Variants in CEP72 observed in about 807,000 individuals in gnomAD.
CEP72 encodes the protein centrosomal protein of 72 kDa.
Under a neutral mutation model 65.7 loss-of-function variants are expected in CEP72, and 78 were observed. The observed-to-expected ratio is 1.19, with a 90% CI of 0.99 to 1.43. CEP72 has a LOEUF of 1.43. Among genes scored for constraint, CEP72 ranks in the 40% most tolerant of loss-of-function variants. The probability of loss-of-function intolerance (pLI) is 0.00; values close to 1 mark genes in which losing one functional copy is unlikely to be tolerated. For missense variants in CEP72, 914 were observed against 832.9 expected, an observed-to-expected ratio of 1.10 and a Z score of -1.20; for synonymous variants, 358 against 351.7, an observed-to-expected ratio of 1.02 and a Z score of -0.20.
At chr5:626,697 C>T (rs528823928) in intron 4 of CEP72, among the ~76,000 whole-genome samples, 6 of 152,022 alleles carry the variant, frequency 3.9e-5, no homozygotes, top group South Asian at 2.1e-4. Flanking sequence ...TATGGTGGTG[C>T]GTGCCTGTAG....
At chr5:649,103 T>C (rs1487533051) in intron 11 of CEP72, among the ~76,000 whole-genome samples, 39 of 107,626 alleles carry the variant, frequency 3.6e-4, no homozygotes, top group Middle Eastern at 0.021. Context: ...GACTGTGAGG[T>C]GTGGACTGTG....
In CEP72 at chr5:634,012, T is replaced by G. The variant is rs1737415717; in HGVS notation, c.691+65T>G. ...GCTCTGGGATATATATAGTCGTTACTGGGCTTGGAGTCCACAGTTGCTCTT... is the reference window on the plus strand; with the variant it reads ...GCTCTGGGATATATATAGTCGTTACGGGGCTTGGAGTCCACAGTTGCTCTT... On this transcript the variant is annotated intron_variant, in intron 5 of 11. Transcript: ENST00000264935. 37 of 1,497,216 alleles carry G rather than the reference T, an allele frequency of 2.5e-5. No homozygotes were observed. In the South Asian group the frequency reaches 4.1e-4, roughly 16 times the overall value. 92.7% of individuals were successfully genotyped at this position (1,497,216 alleles called of 1,614,324 possible).
chr5:649,090 T>G (rs1270670339), intron 11 of CEP72, among the ~76,000 whole-genome samples: 8 of 127,678 alleles, frequency 6.3e-5, no homozygotes, highest in Admixed American at 7.9e-5. Context: ...GACTGTGAGG[T>G]GTGACTGTGA....
chr5:623,727 A>G lies in CEP72; in HGVS notation c.404-744A>G, dbSNP rs1418266514. Among the ~76,000 whole-genome samples, 5 of 151,984 alleles carry G rather than the reference A, an allele frequency of 3.3e-5. No individual in the cohort carries two copies. The highest frequency in any genetic ancestry group is 2.6e-4 in the Admixed American group (4 of 15,270). On this transcript the variant is annotated intron_variant, in intron 3 of 11. Transcript: ENST00000264935. The surrounding 1 kb of genome is among the most constrained non-coding windows in gnomAD (Gnocchi z 5.3). ...TGAGGGTGCCCTGTGTGCTGGGTGG[A>G]GAGTGCCCCAGGTTGCAGAGGCCTC...
At chr5:628,732 CTTCTGGAGAACTCAG>C (rs1561037407) in intron 4 of CEP72, among the ~76,000 whole-genome samples, 1 of 135,264 alleles carries the variant, frequency 7.4e-6, no homozygotes, top group African/African-American at 3.0e-5. Context: ...CTTTGTGCAG[CTTCTGGAGAACTCAG>C]GTTGCAGTCC....
At chr5:649,234 G>GGTGTGGACTGTGAT (rs1561062713) in intron 11 of CEP72, among the ~76,000 whole-genome samples, 32 of 98,952 alleles carry the variant, frequency 3.2e-4, no homozygotes, top group Admixed American at 5.5e-4. Context: ...GTGACTGTGA[G>GGTGTGGACTGTGAT]GTGTGACTGT....
the CEP72 span, among the ~76,000 whole-genome samples, chr5:675,324 G>A: frequency 0.17 from 14,252 of 84,828 alleles, 1,828 homozygotes; most frequent in South Asian, 0.26. Flanking sequence ...CAGTGTGGCC[G>A]GGGGTGCAGT....
At chr5:641,980 G>T (rs1459409487) in intron 9 of CEP72, 1 of 917,854 alleles carries the variant, frequency 1.1e-6, no homozygotes, top group African/African-American at 2.1e-5. Flanking sequence ...CCGTCTAGAA[G>T]CCTGTGCATT....
chr5:620,291 T>C (rs757807555), intron 3 of CEP72, 30 bp downstream of exon 3: 1 of 1,597,362 alleles, frequency 6.3e-7, no homozygotes. Flanking sequence ...ACGCTCATGC[T>C]TTTGTCCCCG....
chr5:674,380 AG>A, the CEP72 span, among the ~76,000 whole-genome samples: 1 of 152,130 alleles, frequency 6.6e-6, no homozygotes, highest in African/African-American at 2.4e-5. Flanking sequence ...AGCCAAGGGG[AG>A]GAGCTGCCCT....
At chr5:665,051 A>C (rs1225015430) in intron 2 of CEP72, 1 of 1,565,984 alleles carries the variant, frequency 6.4e-7, no homozygotes, top group Non-Finnish European at 8.7e-7. Context: ...GCGAGGTGAC[A>C]GAGTCCCTGC....
rs993017247 is a variant in CEP72, at chr5:623,619, T to C, written c.404-852T>C. On this transcript the variant is annotated intron_variant, in intron 3 of 11. Transcript: ENST00000264935. The surrounding 1 kb of genome is among the most constrained non-coding windows in gnomAD (Gnocchi z 5.3). ...TTGGTGGGCAGAGAGCTATGCGTCG[T>C]TAGTGCGGGGCTGGTGAAGGCCGGG... Among the ~76,000 whole-genome samples, 1 of 151,740 alleles carries C rather than the reference T, an allele frequency of 6.6e-6. No homozygotes were observed. The highest frequency in any genetic ancestry group is 6.6e-5 in the Admixed American group (1 of 15,246).
intron 1 of CEP72, 106 bp downstream of exon 1, chr5:612,549 A>T: frequency 8.0e-7 from 1 of 1,253,016 alleles, no homozygotes; most frequent in Non-Finnish European, 1.0e-6. Context: ...CCGTCTACGC[A>T]GGCGCCGCGG....
In CEP72 at chr5:665,971, G is replaced by A. The variant is rs142128231; in HGVS notation, n.464G>A. The A allele has an allele frequency of 1.2e-5, 13 of 1,098,814 alleles. No individual in the cohort carries two copies. Among genetic ancestry groups the A allele is most frequent in the South Asian group, 1.1e-4 (7 of 62,202 alleles). The allele number at this position is 1,098,814 out of a possible 1,614,324, so 68.1% of individuals were successfully genotyped here. On this transcript the variant is annotated non_coding_transcript_exon_variant, in exon 4 of 5. Coordinates refer to the CEP72 transcript ENST00000514507. ...GCCTTCCATCCCCGCCCTGCTCACCGTCACCCCTGAGATGATGGGCGCCTT... is the reference window on the plus strand; with the variant it reads ...GCCTTCCATCCCCGCCCTGCTCACCATCACCCCTGAGATGATGGGCGCCTT...
chr5:613,524 C>T (rs561222020), intron 1 of CEP72, among the ~76,000 whole-genome samples: 113 of 152,326 alleles, frequency 7.4e-4, no homozygotes, highest in South Asian at 2.1e-3. Context: ...CGCCACCATG[C>T]CCGGCTAATT....
chr5:664,907 G>A (rs1739829677), intron 2 of CEP72: 1 of 618,844 alleles, frequency 1.6e-6, no homozygotes, highest in African/African-American at 1.8e-5. Flanking sequence ...GCCCAAACCT[G>A]GTTTGAGAGG....
chr5:670,078 A>G (rs1056372626), downstream of CEP72, among the ~76,000 whole-genome samples: 1 of 151,814 alleles, frequency 6.6e-6, no homozygotes, highest in Non-Finnish European at 1.5e-5. Flanking sequence ...CCAGGCTCTG[A>G]GTCCCCTGGC....
chr5:676,451 C>A, the CEP72 span: 2 of 152,210 alleles, frequency 1.3e-5, no homozygotes, highest in Non-Finnish European at 2.9e-5. Flanking sequence ...ATCTGACCCA[C>A]GGCCCGGCCC....
At chr5:640,788 A>G (rs1445050642) in intron 9 of CEP72, 184 bp downstream of exon 9, 1 of 985,398 alleles carries the variant, frequency 1.0e-6, no homozygotes, top group Non-Finnish European at 1.2e-6. Flanking sequence ...GTCTCACAAC[A>G]GGCCTGGAGC....
Sources: allele counts gnomAD v4.1 joint callset (sites outside exome capture counted in the v4.1 genomes callset), GRCh38; gene constraint gnomAD v4.1.1; non-coding constraint Gnocchi (gnomAD v3.1); transcripts MANE v1.5; gene names NCBI Gene and HGNC (gene_info 2026-07-23, HGNC 2026-07-21).